EZH2: variants seen among roughly 807,000 people sequenced by gnomAD.
EZH2 encodes the protein enhancer of zeste 2 polycomb repressive complex 2 subunit.
EZH2 carries 18 observed loss-of-function variants against 98.4 expected under a neutral mutation model. That is an observed-to-expected ratio of 0.18 (90% CI 0.13 to 0.27). The LOEUF (loss-of-function observed/expected upper bound fraction) is 0.27. Ranked by LOEUF, EZH2 falls within the 10% of genes least tolerant of loss-of-function variation. The probability of loss-of-function intolerance (pLI) is 1.00; values close to 1 mark genes in which losing one functional copy is unlikely to be tolerated. For missense variants in EZH2, 470 were observed against 935.1 expected (o/e 0.50, Z 6.49); for synonymous variants, 338 against 312.3 (o/e 1.08, Z -0.87).
At chr7:148,880,504 A>T (rs1376287853) in intron 1 of EZH2, among the ~76,000 whole-genome samples, 1 of 152,218 alleles carries the variant, frequency 6.6e-6, no homozygotes, top group East Asian at 1.9e-4. Flanking sequence ...CTATTACTAA[A>T]TATCCAGATG....
intron 8 of EZH2, among the ~76,000 whole-genome samples, chr7:148,824,640 C>A (rs1419646618): frequency 6.6e-6 from 1 of 152,152 alleles, no homozygotes; most frequent in Admixed American, 6.5e-5. Context: ...GAATGCATCT[C>A]CGTCCATAAG....
chr7:148,853,806 CAG>C (rs2129486900), intron 1 of EZH2, among the ~76,000 whole-genome samples: 1 of 152,346 alleles, frequency 6.6e-6, no homozygotes, highest in East Asian at 1.9e-4. Flanking sequence ...ATCCCATTTA[CAG>C]AGGGCCAACT....
chr7:148,807,842 C>A, intron 19 of EZH2, 136 bp from the exon 20 acceptor site: 2 of 622,360 alleles, frequency 3.2e-6, no homozygotes, highest in South Asian at 2.0e-5. Context: ...AAAAACCCAT[C>A]CAATTACACA....
intron 8 of EZH2, among the ~76,000 whole-genome samples, chr7:148,821,703 G>T (rs1351541102): frequency 6.6e-6 from 1 of 152,202 alleles, no homozygotes; most frequent in African/African-American, 2.4e-5. Context: ...GTGCATGCTT[G>T]TAGTCCCAGC....
At chr7:148,818,144 G>A (rs934459093) in intron 9 of EZH2, 27 bp from the exon 10 acceptor site, 4 of 1,518,462 alleles carry the variant, frequency 2.6e-6, no homozygotes, top group Admixed American at 2.3e-5. Flanking sequence ...GTCAACATCA[G>A]GGCAAAGTTC....
At chr7:148,810,518 C>A in intron 16 of EZH2, 104 bp from the exon 17 acceptor site, 5 of 697,734 alleles carry the variant, frequency 7.2e-6, no homozygotes, top group Admixed American at 6.7e-5. Flanking sequence ...CTGGAGAAAA[C>A]GCAACAAAAA....
At chr7:148,816,538 A>G (rs1219356681) in intron 12 of EZH2, 146 bp downstream of exon 12, 1 of 601,084 alleles carries the variant, frequency 1.7e-6, no homozygotes, top group Non-Finnish European at 3.0e-6. Flanking sequence ...CCCAGTGGAA[A>G]TAAGATTCCA....
At chr7:148,867,357 T>C (rs1158794488) in intron 1 of EZH2, among the ~76,000 whole-genome samples, 2 of 152,020 alleles carry the variant, frequency 1.3e-5, no homozygotes, top group African/African-American at 4.8e-5. Context: ...ATTTTAAAAA[T>C]TACCCAGTCT....
intron 15 of EZH2, among the ~76,000 whole-genome samples, chr7:148,812,199 T>C (rs765091442): frequency 4.6e-5 from 7 of 152,210 alleles, no homozygotes; most frequent in Non-Finnish European, 1.0e-4. Flanking sequence ...TTCACTGGCG[T>C]TGGTTCCCTC....
rs533954087 is a variant in EZH2 at position 148,882,424 on chromosome 7, TC to T, written c.-8+1739del. Among the ~76,000 whole-genome samples the T allele has an allele frequency of 1.3e-3, 202 of 151,942 alleles. 1 individual carries two copies. The highest frequency in any genetic ancestry group is 2.1e-3 in the Non-Finnish European group (141 of 68,022). On this transcript the variant is annotated intron_variant, in intron 1 of 19. Transcript: ENST00000320356. Reference sequence around the variant, plus strand: ...TAAATATTACATCACCCAACACACCTCCGAAAAGAGAGAACAAGACGCTTTA... The same window carrying T: ...TAAATATTACATCACCCAACACACCTCGAAAAGAGAGAACAAGACGCTTTA...
chr7:148,841,942 C>G (rs1347416540), intron 3 of EZH2, among the ~76,000 whole-genome samples: 1 of 152,154 alleles, frequency 6.6e-6, no homozygotes, highest in African/African-American at 2.4e-5. Context: ...AACTTAAAAT[C>G]ATTTCAAATA....
chr7:148,834,127 T>G (rs566147879), intron 3 of EZH2, among the ~76,000 whole-genome samples: 1 of 152,166 alleles, frequency 6.6e-6, no homozygotes, highest in Non-Finnish European at 1.5e-5. Context: ...TTTTGCATCT[T>G]TGATTCTCTG....
chr7:148,877,708 T>C (rs1286252779), intron 1 of EZH2, among the ~76,000 whole-genome samples: 1 of 152,188 alleles, frequency 6.6e-6, no homozygotes, highest in Non-Finnish European at 1.5e-5. Flanking sequence ...TGCATACTAT[T>C]ACCACTCTGG....
In EZH2 at chr7:148,818,092, G is replaced by C; in HGVS notation, c.1025C>G (p.Ala342Gly). Reference sequence around the variant, plus strand: ...GGTCTTTATCCGCTCAGCGGTGAGAGCAGCAGCAAACTCCTTTGCTCCCTC... The same window carrying C: ...GGTCTTTATCCGCTCAGCGGTGAGACCAGCAGCAAACTCCTTTGCTCCCTC... ...HLEGAKEFAA[A>G]LTAERIKTPP... is the part of the protein sequence containing the mutation. Residue 342 changes from alanine to glycine, a missense_variant, in exon 10 of 20, where the codon GCT becomes GGT. This residue lies in a region of EZH2 where 192 missense variants were observed against 306.8 expected (regional missense o/e 0.63). Transcript: ENST00000320356. The C allele has an allele frequency of 6.3e-7, 1 of 1,599,238 alleles. No homozygotes were observed. The highest frequency in any genetic ancestry group is 8.5e-7 in the Non-Finnish European group (1 of 1,173,282).
At position 148,858,679 on chromosome 7, in the gene EZH2, C is replaced by T. The variant is rs139594368; in HGVS notation, c.-7-11374G>A. On this transcript the variant is annotated intron_variant, in intron 1 of 19. Coordinates refer to ENST00000320356, the MANE Select transcript of EZH2 (RefSeq NM_004456.5). The stretch of plus-strand genomic sequence containing the variant: ...AGCTGGGGACTACAGGTGTACTCCA[C>T]CACACCCAGCTAATTTTTTTTAATT... Among the ~76,000 whole-genome samples, 1,211 of 152,256 alleles carry T rather than the reference C, an allele frequency of 8.0e-3. 15 individuals carry two copies. The highest frequency in any genetic ancestry group is 0.022 in the South Asian group (104 of 4,822).
intron 9 of EZH2, 119 bp from the exon 10 acceptor site, chr7:148,818,236 C>A: frequency 9.6e-7 from 1 of 1,042,856 alleles, no homozygotes; most frequent in Non-Finnish European, 1.4e-6. Flanking sequence ...ATCCATTTAT[C>A]ACAAATAATC....
At chr7:148,878,770 G>A in intron 1 of EZH2, among the ~76,000 whole-genome samples, 1 of 151,878 alleles carries the variant, frequency 6.6e-6, no homozygotes, top group African/African-American at 2.4e-5. Flanking sequence ...GTGGTGGCAT[G>A]CACTTGTAGT....
At chr7:148,856,380 C>G (rs1816839160) in intron 1 of EZH2, among the ~76,000 whole-genome samples, 1 of 152,150 alleles carries the variant, frequency 6.6e-6, no homozygotes, top group Non-Finnish European at 1.5e-5. Context: ...TCAATATGAA[C>G]TCACGTGTAT....
At chr7:148,847,553 G>C (rs1814470689) in intron 1 of EZH2, among the ~76,000 whole-genome samples, 1 of 152,094 alleles carries the variant, frequency 6.6e-6, no homozygotes, top group Non-Finnish European at 1.5e-5. Flanking sequence ...CCATATTATA[G>C]GAACATGATC....
Sources: allele counts gnomAD v4.1 joint callset (sites outside exome capture counted in the v4.1 genomes callset), GRCh38; gene constraint gnomAD v4.1.1; regional missense constraint gnomAD v4.1.1; transcripts MANE v1.5; gene names NCBI Gene and HGNC (gene_info 2026-07-23, HGNC 2026-07-21).